DCC: variants seen among roughly 807,000 people sequenced by gnomAD.
DCC encodes netrin receptor DCC.
In DCC, 58 loss-of-function variants were observed where a neutral mutation model predicts 172.5. The ratio of observed to expected loss-of-function variants is 0.34; its 90% CI spans 0.27 to 0.42. DCC has a LOEUF of 0.42. Ranked by LOEUF, DCC falls within the 10% of genes least tolerant of loss-of-function variation. The probability of loss-of-function intolerance (pLI) is 1.00; values close to 1 mark genes in which losing one functional copy is unlikely to be tolerated. For synonymous variants in DCC, 709 were observed against 644.5 expected (o/e 1.10, Z -1.52); for missense variants, 1,740 against 1,791.0 (o/e 0.97, Z 0.51).
intron 26 of DCC, among the ~76,000 whole-genome samples, chr18:53,492,028 A>C (rs997028124): frequency 3.3e-5 from 5 of 152,146 alleles, no homozygotes; most frequent in African/African-American, 1.2e-4. Context: ...ATGGTATCTC[A>C]TTGCGGTTTT....
At chr18:52,431,723 G>A (rs890998874) in intron 1 of DCC, among the ~76,000 whole-genome samples, 24 of 152,236 alleles carry the variant, frequency 1.6e-4, no homozygotes, top group East Asian at 9.7e-4. Flanking sequence ...CCTAAATTCC[G>A]AGGCCACAAA....
At chr18:53,473,653 T>C (rs2045725756) in intron 25 of DCC, among the ~76,000 whole-genome samples, 1 of 152,212 alleles carries the variant, frequency 6.6e-6, no homozygotes, top group African/African-American at 2.4e-5. Context: ...GGTAAGATTA[T>C]CCTGATTTTA....
At chr18:53,166,307 A>G (rs1362294995) in intron 8 of DCC, among the ~76,000 whole-genome samples, 2 of 152,160 alleles carry the variant, frequency 1.3e-5, no homozygotes, top group South Asian at 2.1e-4. Context: ...TGTGCTTGAC[A>G]TACCTTTACG....
rs139693591 is a variant in DCC at position 52,906,814 on chromosome 18, A to C, written c.697+486A>C. On this transcript the variant is annotated intron_variant, in intron 3 of 28. Transcript: ENST00000442544. Reference sequence around the variant, plus strand: ...TCATATATCTATAGTTCAATATTAAAATTAGGCTGATCTTATCTACTTTGT... The same window carrying C: ...TCATATATCTATAGTTCAATATTAACATTAGGCTGATCTTATCTACTTTGT... Among the ~76,000 whole-genome samples, 15 of 149,724 alleles carry C rather than the reference A, an allele frequency of 1.0e-4. No individual in the cohort carries two copies. In the East Asian group the frequency reaches 2.8e-3, roughly 28 times the overall value.
chr18:52,515,480 G>A (rs946543756), intron 1 of DCC, among the ~76,000 whole-genome samples: 1 of 150,812 alleles, frequency 6.6e-6, no homozygotes, highest in Non-Finnish European at 1.5e-5. Context: ...AGTGGCAGGC[G>A]CCTGTAGTCC....
At chr18:53,411,330 A>C (rs546624766) in intron 20 of DCC, among the ~76,000 whole-genome samples, 1 of 152,282 alleles carries the variant, frequency 6.6e-6, no homozygotes, top group Non-Finnish European at 1.5e-5. Context: ...TGATTACAAT[A>C]ATTTGAATGT....
chr18:53,009,330 G>A (rs2041693151), intron 5 of DCC, among the ~76,000 whole-genome samples: 1 of 151,948 alleles, frequency 6.6e-6, no homozygotes, highest in African/African-American at 2.4e-5. Flanking sequence ...AATCAGGAAT[G>A]TTCCTCGAAG....
intron 2 of DCC, among the ~76,000 whole-genome samples, chr18:52,820,659 G>A (rs941598753): frequency 7.9e-5 from 12 of 152,130 alleles, no homozygotes; most frequent in African/African-American, 7.2e-5. Flanking sequence ...TCCAGATGCA[G>A]CATTAAGTTC....
chr18:52,830,576 A>C (rs2038595686), intron 2 of DCC, among the ~76,000 whole-genome samples: 1 of 150,424 alleles, frequency 6.6e-6, no homozygotes. Context: ...TCTTTTTCTA[A>C]TAGACTAATA....
chr18:52,584,544 GCA>G (rs1209533087), intron 1 of DCC, among the ~76,000 whole-genome samples: 1 of 152,026 alleles, frequency 6.6e-6, no homozygotes, highest in Non-Finnish European at 1.5e-5. Flanking sequence ...TTAGACTAAC[GCA>G]CAGATATACC....
intron 21 of DCC, among the ~76,000 whole-genome samples, chr18:53,422,582 G>A (rs1013870962): frequency 5.3e-5 from 8 of 152,106 alleles, no homozygotes; most frequent in African/African-American, 1.9e-4. Context: ...CCTTAATAGG[G>A]TATTCAGGCA....
At chr18:52,719,859 C>T (rs2145073253) in intron 1 of DCC, among the ~76,000 whole-genome samples, 1 of 152,246 alleles carries the variant, frequency 6.6e-6, no homozygotes, top group East Asian at 1.9e-4. Flanking sequence ...GGCTAGGATA[C>T]AGTGAGCAAG....
intron 5 of DCC, among the ~76,000 whole-genome samples, chr18:53,047,278 ATAT>A (rs2042256761): frequency 5.6e-5 from 1 of 17,970 alleles, no homozygotes; most frequent in Admixed American, 3.9e-4. Context: ...ATATATATAT[ATAT>A]ATATATAATT....
intron 1 of DCC, among the ~76,000 whole-genome samples, chr18:52,654,359 A>T (rs888144623): frequency 2.6e-5 from 4 of 152,132 alleles, no homozygotes; most frequent in Non-Finnish European, 5.9e-5. Flanking sequence ...GCAGCACAGA[A>T]ATGGGGAGGA....
chr18:53,235,519 A>T (rs1278966689), intron 12 of DCC, among the ~76,000 whole-genome samples: 1 of 152,158 alleles, frequency 6.6e-6, no homozygotes, highest in Non-Finnish European at 1.5e-5. Context: ...ATTGACAGAG[A>T]AAACTATGAA....
Position 53,297,711 on chromosome 18 carries a change from T to C in DCC, c.1912-7867T>C, listed in dbSNP as rs371611855. Among the ~76,000 whole-genome samples the C allele has an allele frequency of 1.1e-4, 16 of 152,326 alleles. No homozygotes were observed. The East Asian group carries it at 1.7e-3, about 17-fold the overall frequency. On this transcript the variant is annotated intron_variant, in intron 12 of 28. Coordinates refer to ENST00000442544, the MANE Select transcript of DCC (RefSeq NM_005215.4). Reference sequence around the variant, plus strand: ...GGGCAGTGGCAAAATAGGTCTCATATAGAAAATAAGATGCCTTATAACATT... The same window carrying C: ...GGGCAGTGGCAAAATAGGTCTCATACAGAAAATAAGATGCCTTATAACATT...
At chr18:52,928,400 T>G (rs1367982730) in intron 5 of DCC, among the ~76,000 whole-genome samples, 1 of 152,134 alleles carries the variant, frequency 6.6e-6, no homozygotes, top group Admixed American at 6.6e-5. Context: ...AACTTATCTA[T>G]ATAACAAACC....
rs1325585138 is a variant in DCC at position 52,586,489 on chromosome 18, G to A, written c.92-165565G>A. On this transcript the variant is annotated intron_variant, in intron 1 of 28. Coordinates refer to ENST00000442544, the MANE Select transcript of DCC (RefSeq NM_005215.4). ...GCCTGTTGATTTAAAGGTAGGAGGA[G>A]CCCAAAGTGTCCAGGTGGCAATCTT... is the stretch of plus-strand genomic sequence containing the variant. 5.3e-5 allele frequency among the ~76,000 whole-genome samples: 8 copies of A among 152,156 alleles called. No homozygotes were observed. In the South Asian group the frequency reaches 1.2e-3, roughly 24 times the overall value.
intron 21 of DCC, among the ~76,000 whole-genome samples, chr18:53,419,908 C>T (rs539999822): frequency 1.8e-3 from 279 of 151,988 alleles, no homozygotes; most frequent in African/African-American, 6.5e-3. Context: ...GGCTGGAGTG[C>T]AATGGCACAA....
Sources: gnomAD v4.1 joint callset for allele counts (sites outside exome capture counted in the v4.1 genomes callset) on GRCh38, gnomAD v4.1.1 for gene constraint, MANE v1.5 for transcripts, NCBI Gene and HGNC (gene_info 2026-07-23, HGNC 2026-07-21) for gene names.